Variants in LRRC49 observed in about 807,000 individuals in gnomAD.
The protein encoded by LRRC49 is leucine rich repeat containing 49.
A neutral mutation model predicts 83.3 loss-of-function variants in LRRC49; 50 were observed. The observed-to-expected ratio is 0.60, with a 90% CI of 0.48 to 0.76. LRRC49 has a LOEUF of 0.76. LRRC49 is among the 30% of genes least tolerant of loss of function. LRRC49 has a pLI of 0.00. For missense variants in LRRC49, 704 were observed against 809.1 expected (o/e 0.87, Z 1.58); for synonymous variants, 286 against 283.3 (o/e 1.01, Z -0.10).
At chr15:71,007,234 A>G (rs984693086) in intron 11 of LRRC49, among the ~76,000 whole-genome samples, 1 of 152,022 alleles carries the variant, frequency 6.6e-6, no homozygotes, top group African/African-American at 2.4e-5. Flanking sequence ...ATCATTGTAA[A>G]TGTTTGAAGA....
intron 4 of LRRC49, among the ~76,000 whole-genome samples, chr15:70,903,412 A>G (rs1287271153): frequency 2.0e-5 from 3 of 152,060 alleles, no homozygotes; most frequent in Non-Finnish European, 4.4e-5. Context: ...TAATTAAACT[A>G]TTGCCCAAAA....
At position 70,913,170 on chromosome 15, in the gene LRRC49, G is replaced by A. The variant is rs551279229; in HGVS notation, c.567+1572G>A. Among the ~76,000 whole-genome samples, 143 of 152,214 alleles carry A rather than the reference G, an allele frequency of 9.4e-4. 4 individuals are homozygous for A. In the South Asian group the frequency reaches 0.025, roughly 26 times the overall value. On this transcript the variant is annotated intron_variant, in intron 6 of 15. Transcript: ENST00000260382. ...GATAAGCCTACATCCTGGGATGATC[G>A]GGGAATCCCTGCCTGTTGATGAACA... is the stretch of plus-strand genomic sequence containing the variant.
intron 1 of LRRC49, among the ~76,000 whole-genome samples, chr15:70,868,559 T>C (rs1459071815): frequency 6.6e-6 from 1 of 152,258 alleles, no homozygotes; most frequent in Non-Finnish European, 1.5e-5. Flanking sequence ...AAAGGGCTTG[T>C]TGAAACTCAG....
intron 8 of LRRC49, among the ~76,000 whole-genome samples, chr15:70,955,890 T>G (rs746740354): frequency 1.3e-5 from 2 of 152,216 alleles, no homozygotes; most frequent in Non-Finnish European, 2.9e-5. Context: ...AGTTATTTTA[T>G]GTTTGTCAGT....
chr15:71,035,815 T>C (rs999410180), intron 14 of LRRC49, among the ~76,000 whole-genome samples: 3 of 152,170 alleles, frequency 2.0e-5, no homozygotes, highest in East Asian at 1.9e-4. Flanking sequence ...CATACATGTA[T>C]ATGTTATAAT....
At chr15:70,963,632 T>C (rs1228521408) in intron 8 of LRRC49, among the ~76,000 whole-genome samples, 153 bp from the exon 9 acceptor site, 3 of 152,156 alleles carry the variant, frequency 2.0e-5, no homozygotes, top group East Asian at 3.8e-4. Flanking sequence ...ATGTTAGCAA[T>C]AGGGGAAACT....
At chr15:70,944,457 T>G (rs2035937347) in intron 8 of LRRC49, among the ~76,000 whole-genome samples, 1 of 152,176 alleles carries the variant, frequency 6.6e-6, no homozygotes, top group African/African-American at 2.4e-5. Context: ...CAGGCTGTAG[T>G]GCACTGGCGC....
In LRRC49 at chr15:70,984,258, G is replaced by T. The variant is rs771073512; in HGVS notation, c.1169+1G>T. 6.3e-7 allele frequency: 1 copy of T among 1,592,074 alleles called. No homozygotes were observed. The highest frequency in any genetic ancestry group is 1.2e-5 in the South Asian group (1 of 86,336). On this transcript the variant is annotated splice_donor_variant, in intron 11 of 15. Coordinates refer to ENST00000260382, the MANE Select transcript of LRRC49 (RefSeq NM_017691.5). LOFTEE classifies it high-confidence loss of function. ...TCTCTGCATTCCCAGAGGAAACAGG[G>T]TATGCAATGGTATTTTTTCAAGATA...
At chr15:70,982,314 T>C (rs1045832625) in intron 10 of LRRC49, among the ~76,000 whole-genome samples, 3 of 152,148 alleles carry the variant, frequency 2.0e-5, no homozygotes, top group African/African-American at 7.2e-5. Flanking sequence ...TGCCCTGGCC[T>C]CTTTCAAAGT....
chr15:71,008,296 G>C, intron 11 of LRRC49, 83 bp from the exon 12 acceptor site: 1 of 746,662 alleles, frequency 1.3e-6, no homozygotes, highest in Non-Finnish European at 2.2e-6. Context: ...ATAAAATTGT[G>C]AAGAGCTTTT....
intron 13 of LRRC49, among the ~76,000 whole-genome samples, chr15:71,011,781 G>C (rs2038659814): frequency 6.6e-6 from 1 of 152,146 alleles, no homozygotes; most frequent in Admixed American, 6.6e-5. Flanking sequence ...CCAGGGAAGG[G>C]AAGAGAGTTA....
chr15:70,945,705 G>C (rs1457268907), intron 8 of LRRC49, among the ~76,000 whole-genome samples: 1 of 151,312 alleles, frequency 6.6e-6, no homozygotes, highest in Non-Finnish European at 1.5e-5. Context: ...GACCATTAAG[G>C]GCATTGGGCT....
intron 5 of LRRC49, among the ~76,000 whole-genome samples, chr15:70,905,936 T>C (rs1225639629): frequency 6.6e-6 from 1 of 152,096 alleles, no homozygotes. Flanking sequence ...CAGAGAATTC[T>C]TTTTATGGCC....
At chr15:70,969,043 A>C (rs1199022250) in intron 9 of LRRC49, among the ~76,000 whole-genome samples, 1 of 152,162 alleles carries the variant, frequency 6.6e-6, no homozygotes, top group Non-Finnish European at 1.5e-5. Context: ...TGTTTTAGTC[A>C]TGAAGTCTTC....
chr15:71,014,486 CATAAATATTA>C (rs1440115687), intron 14 of LRRC49, among the ~76,000 whole-genome samples: 3 of 151,864 alleles, frequency 2.0e-5, no homozygotes, highest in Non-Finnish European at 4.4e-5. Flanking sequence ...GGGTTATCAC[CATAAATATTA>C]ATAAAGTCTT....
chr15:70,963,647 A>C, intron 8 of LRRC49, 138 bp from the exon 9 acceptor site: 1 of 791,238 alleles, frequency 1.3e-6, no homozygotes, highest in Non-Finnish European at 2.0e-6. Flanking sequence ...GAAACTGGGT[A>C]TGGGGTATAG....
rs1047362355 is a variant in LRRC49, at chr15:70,923,820, A to G, written c.711+4627A>G. On this transcript the variant is annotated intron_variant, in intron 7 of 15. Coordinates refer to ENST00000260382, the MANE Select transcript of LRRC49 (RefSeq NM_017691.5). ...TTTCCTTCTCCATATATCAGTTAAT[A>G]TATACTTTTTTTCAACCATTTAAGA... 7.2e-5 allele frequency among the ~76,000 whole-genome samples: 11 copies of G among 151,928 alleles called. No homozygotes were observed. In the South Asian group the frequency reaches 2.3e-3, roughly 32 times the overall value.
At chr15:71,006,371 G>T (rs551571331) in intron 11 of LRRC49, among the ~76,000 whole-genome samples, 1 of 152,086 alleles carries the variant, frequency 6.6e-6, no homozygotes, top group Non-Finnish European at 1.5e-5. Flanking sequence ...TTTCCCAAAG[G>T]GTTTGTTGAT....
Position 70,936,563 on chromosome 15 carries a change from C to T in LRRC49, c.712-198C>T, listed in dbSNP as rs554248465. 5.3e-4 allele frequency: 279 copies of T among 527,106 alleles called. 9 individuals are homozygous for T. The South Asian group carries it at 8.3e-3, about 16-fold the overall frequency. The allele number at this position is 527,106 out of a possible 1,614,324, so 32.7% of individuals were successfully genotyped here. On this transcript the variant is annotated intron_variant, in intron 7 of 15. Coordinates refer to ENST00000260382, the MANE Select transcript of LRRC49 (RefSeq NM_017691.5). ...GCTTTTTACCTTGCGAGTGGTGCAG[C>T]TTGTTCTGCGGATGTACTGAAACCC...
Sources: gnomAD v4.1 joint callset for allele counts (sites outside exome capture counted in the v4.1 genomes callset) on GRCh38, gnomAD v4.1.1 for gene constraint, MANE v1.5 for transcripts, NCBI Gene and HGNC (gene_info 2026-07-23, HGNC 2026-07-21) for gene names.